ZNF516: variants seen among roughly 807,000 people sequenced by gnomAD.
ZNF516 encodes the protein zinc finger protein 516.
ZNF516 carries 19 observed loss-of-function variants against 79.7 expected under a neutral mutation model. The ratio of observed to expected loss-of-function variants is 0.24; its 90% confidence interval spans 0.17 to 0.35. The LOEUF (loss-of-function observed/expected upper bound fraction) is 0.35, where lower values mean the gene tolerates loss of function less well. Among genes scored for constraint, ZNF516 ranks in the 10% least tolerant of loss-of-function variants. ZNF516 has a pLI of 1.00. For missense variants in ZNF516, 1,678 were observed against 1,679.5 expected (o/e 1.00, Z 0.02); for synonymous variants, 877 against 739.5 (o/e 1.19, Z -3.02).
chr18:76,457,032 A>G (rs1457342426), intron 2 of ZNF516, among the ~76,000 whole-genome samples: 2 of 152,268 alleles, frequency 1.3e-5, no homozygotes. Flanking sequence ...CAGATTTGTC[A>G]TCAGGCTAAA....
intron 1 of ZNF516, among the ~76,000 whole-genome samples, chr18:76,485,744 TA>T (rs1914792657): frequency 6.6e-6 from 1 of 151,970 alleles, no homozygotes; most frequent in Non-Finnish European, 1.5e-5. Context: ...CCAGCATGTG[TA>T]AACAAAACAC....
At chr18:76,427,803 A>G (rs1222547350) in intron 3 of ZNF516, among the ~76,000 whole-genome samples, 1 of 152,254 alleles carries the variant, frequency 6.6e-6, no homozygotes, top group Non-Finnish European at 1.5e-5. Context: ...TGCAAAGTTC[A>G]TGGACAAGTA....
chr18:76,364,752 G>A (rs1424486064), intron 6 of ZNF516, among the ~76,000 whole-genome samples: 1 of 152,212 alleles, frequency 6.6e-6, no homozygotes, highest in African/African-American at 2.4e-5. Context: ...CCTGTAAACA[G>A]GGCTTGTGGT....
intron 3 of ZNF516, among the ~76,000 whole-genome samples, chr18:76,414,727 TAA>T (rs1352555001): frequency 6.6e-6 from 1 of 152,254 alleles, no homozygotes; most frequent in Non-Finnish European, 1.5e-5. Flanking sequence ...TAAAATGACA[TAA>T]GTCATGAGAA....
At chr18:76,476,686 A>G (rs1914192717) in intron 1 of ZNF516, among the ~76,000 whole-genome samples, 1 of 152,184 alleles carries the variant, frequency 6.6e-6, no homozygotes, top group African/African-American at 2.4e-5. Context: ...GTTTTCCACT[A>G]ACCTCCAAAA....
chr18:76,362,921 G>A (rs1489585437), intron 6 of ZNF516, among the ~76,000 whole-genome samples: 5 of 152,156 alleles, frequency 3.3e-5, no homozygotes, highest in East Asian at 1.9e-4. Flanking sequence ...ATGAGGAGGC[G>A]GCCAGATTGT....
At chr18:76,363,454 GA>G (rs2074569041) in intron 6 of ZNF516, among the ~76,000 whole-genome samples, 1 of 152,218 alleles carries the variant, frequency 6.6e-6, no homozygotes, top group Admixed American at 6.5e-5. Flanking sequence ...AATAGTTCCA[GA>G]AAACTCCTAC....
rs983466507 is a variant in ZNF516 at position 76,359,799 on chromosome 18, A to G, written c.*2699T>C. On this transcript the variant is annotated 3_prime_UTR_variant, in exon 7 of 7. Transcript: ENST00000443185. ...CTGTAACAGTCAGAAGACAACGTAC[A>G]GAAGTGTATCATGCAGAAATTACCA... 6.6e-6 allele frequency: 1 copy of G among 152,182 alleles called. No homozygotes were observed. The highest frequency in any genetic ancestry group is 1.5e-5 in the Non-Finnish European group (1 of 68,038). The allele number at this position is 152,182 out of a possible 1,614,324, so 9.4% of individuals were successfully genotyped here. A position where few individuals can be genotyped will look rare whatever the true frequency, so the allele number is the denominator to read the frequency against.
At chr18:76,426,055 T>C (rs2075589297) in intron 3 of ZNF516, among the ~76,000 whole-genome samples, 1 of 152,260 alleles carries the variant, frequency 6.6e-6, no homozygotes, top group Non-Finnish European at 1.5e-5. Context: ...TTTAGAGAGC[T>C]ATGTTAGAAA....
upstream of ZNF516, among the ~76,000 whole-genome samples, chr18:76,496,024 C>G (rs1236340027): frequency 6.6e-6 from 1 of 152,142 alleles, no homozygotes; most frequent in Non-Finnish European, 1.5e-5. Context: ...AACTTCATTT[C>G]TTCACCTCAC....
intron 6 of ZNF516, among the ~76,000 whole-genome samples, chr18:76,364,007 A>T (rs898660675): frequency 2.0e-5 from 3 of 152,228 alleles, no homozygotes; most frequent in African/African-American, 4.8e-5. Flanking sequence ...TTGGACCAGA[A>T]GTCACAGACT....
At chr18:76,420,107 G>C (rs1283307120) in intron 3 of ZNF516, among the ~76,000 whole-genome samples, 1 of 152,250 alleles carries the variant, frequency 6.6e-6, no homozygotes, top group Non-Finnish European at 1.5e-5. Context: ...TTTAATACCT[G>C]CATTTCTGTA....
intron 4 of ZNF516, 145 bp from the exon 5 acceptor site, chr18:76,371,716 T>C: frequency 1.5e-6 from 1 of 657,870 alleles, no homozygotes; most frequent in South Asian, 1.8e-5. Context: ...CAGGCCCTGG[T>C]GACAACTGTC....
chr18:76,385,308 G>A (rs970725332), intron 3 of ZNF516, among the ~76,000 whole-genome samples: 9 of 152,326 alleles, frequency 5.9e-5, no homozygotes, highest in East Asian at 1.9e-4. Context: ...GCACACCGCC[G>A]ACAAGCATGT....
chr18:76,446,374 G>A (rs560689643), intron 2 of ZNF516, among the ~76,000 whole-genome samples: 42 of 152,102 alleles, frequency 2.8e-4, no homozygotes, highest in Non-Finnish European at 5.1e-4. Flanking sequence ...AGACACTCTC[G>A]CTCGTGGATC....
upstream of ZNF516, chr18:76,495,859 C>A (rs1915462613): frequency 4.9e-6 from 3 of 612,270 alleles, 1 homozygote; most frequent in African/African-American, 4.1e-5. Flanking sequence ...TGGGGGTGTT[C>A]AGATGCAGGA....
rs547889496 is a variant in ZNF516, at chr18:76,466,334, G to A, written c.-271-3193C>T. Among the ~76,000 whole-genome samples the A allele has an allele frequency of 3.9e-5, 6 of 152,216 alleles. No homozygotes were observed. In the South Asian group the frequency reaches 1.2e-3, roughly 32 times the overall value. On this transcript the variant is annotated intron_variant, in intron 1 of 6. Transcript: ENST00000443185. ...CAACAGAGACTCCGTTCCCTTGGGA[G>A]TCTCAGGACCTCCTGCCCCTTGAGA...
At chr18:76,462,144 G>C (rs1439026878) in intron 2 of ZNF516, among the ~76,000 whole-genome samples, 1 of 152,170 alleles carries the variant, frequency 6.6e-6, no homozygotes, top group African/African-American at 2.4e-5. Context: ...CCGCCGATGA[G>C]CGCTGGTGAC....
chr18:76,418,871 T>C (rs1359636351), intron 3 of ZNF516, among the ~76,000 whole-genome samples: 2 of 152,268 alleles, frequency 1.3e-5, no homozygotes, highest in Non-Finnish European at 2.9e-5. Flanking sequence ...TGACCTAGGA[T>C]AAGCAAAGGA....
Sources: allele counts gnomAD v4.1 joint callset (sites outside exome capture counted in the v4.1 genomes callset), GRCh38; gene constraint gnomAD v4.1.1; transcripts MANE v1.5; gene names NCBI Gene and HGNC (gene_info 2026-07-23, HGNC 2026-07-21).